Variants in PCDH15 observed in about 807,000 individuals in gnomAD.
PCDH15 encodes protocadherin-15.
Under a neutral mutation model 178.5 loss-of-function variants are expected in PCDH15, and 129 were observed. The observed-to-expected ratio is 0.72, with a 90% confidence interval of 0.63 to 0.84. The LOEUF (loss-of-function observed/expected upper bound fraction) is 0.84. PCDH15 is among the 40% of genes least tolerant of loss of function. PCDH15 has a pLI of 0.00. For missense variants in PCDH15, 2,230 were observed against 2,099.9 expected (o/e 1.06, Z -1.21); for synonymous variants, 800 against 732.0 (o/e 1.09, Z -1.50).
At chr10:55,230,695 GT>G (rs1841190450) in intron 1 of PCDH15, among the ~76,000 whole-genome samples, 2 of 152,040 alleles carry the variant, frequency 1.3e-5, no homozygotes, top group Non-Finnish European at 2.9e-5. Context: ...GTGATGTCAT[GT>G]TTTCAGCTAA....
chr10:55,357,240 G>A (rs541212764), intron 2 of PCDH15, among the ~76,000 whole-genome samples: 129 of 151,754 alleles, frequency 8.5e-4, no homozygotes, highest in African/African-American at 2.8e-3. Context: ...TCTTATCTAT[G>A]AAACATAAAT....
intron 2 of PCDH15, among the ~76,000 whole-genome samples, chr10:55,537,439 T>G (rs12779888): frequency 0.043 from 5,344 of 123,774 alleles, 262 homozygotes; most frequent in African/African-American, 0.12. Flanking sequence ...ATGTATGTAT[T>G]TATTTATTTA....
intron 3 of PCDH15, among the ~76,000 whole-genome samples, chr10:54,436,702 T>G (rs889984666): frequency 5.3e-5 from 8 of 152,170 alleles, no homozygotes; most frequent in Non-Finnish European, 1.0e-4. Flanking sequence ...AAGAGAAAGC[T>G]CATAATATTT....
At position 54,551,154 on chromosome 10, in the gene PCDH15, CAAAAAA is replaced by C. The variant is rs57337778; in HGVS notation, c.92-23283_92-23278del. Among the ~76,000 whole-genome samples, 172 of 52,416 alleles carry C rather than the reference CAAAAAA, an allele frequency of 3.3e-3. 1 individual carries two copies. Among genetic ancestry groups the C allele is most frequent in the African/African-American group, 8.7e-3 (113 of 12,942 alleles). 34.4% of individuals were successfully genotyped at this position (52,416 alleles called of 152,430 possible). A position where few individuals can be genotyped will look rare whatever the true frequency, so the allele number is the denominator to read the frequency against. On this transcript the variant is annotated intron_variant, in intron 2 of 37. Coordinates refer to ENST00000644397, the MANE Select transcript of PCDH15 (RefSeq NM_001384140.1). ...TGGGCTACAGGCTGAGACTCTGTCT[CAAAAAA>C]AAAAAAAAAAAAAAAAAATTAATAT...
At chr10:55,131,395 C>T (rs767488799) in intron 2 of PCDH15, among the ~76,000 whole-genome samples, 8 of 152,156 alleles carry the variant, frequency 5.3e-5, no homozygotes, top group Admixed American at 1.3e-4. Context: ...TCAGGGAGCT[C>T]CTTGGTCTGG....
At chr10:53,973,360 C>A (rs2089919667) in intron 21 of PCDH15, among the ~76,000 whole-genome samples, 1 of 151,708 alleles carries the variant, frequency 6.6e-6, no homozygotes, top group Non-Finnish European at 1.5e-5. Flanking sequence ...TTAATGGGTG[C>A]AGCACACCAA....
intron 2 of PCDH15, among the ~76,000 whole-genome samples, chr10:54,568,238 T>C (rs537490069): frequency 1.3e-5 from 2 of 152,108 alleles, no homozygotes; most frequent in East Asian, 3.9e-4. Flanking sequence ...TGGCTCATCT[T>C]CCAGATGCCT....
intron 18 of PCDH15, among the ~76,000 whole-genome samples, chr10:54,060,395 C>T (rs549828508): frequency 8.7e-4 from 132 of 152,128 alleles, no homozygotes; most frequent in African/African-American, 3.0e-3. Context: ...CAATTGTTTG[C>T]ATTTAGTTCA....
chr10:54,641,200 C>G (rs538631719), intron 2 of PCDH15: 1 of 160,300 alleles, frequency 6.2e-6, no homozygotes, highest in Non-Finnish European at 1.4e-5. Context: ...TAAAGCTTTT[C>G]TAAGAACATC....
intron 1 of PCDH15, among the ~76,000 whole-genome samples, chr10:54,685,237 T>G (rs143214108): frequency 9.2e-5 from 14 of 152,168 alleles, no homozygotes; most frequent in African/African-American, 2.2e-4. Flanking sequence ...GAATATCTCT[T>G]GAAGAACCTG....
intron 2 of PCDH15, among the ~76,000 whole-genome samples, chr10:55,568,400 C>T (rs1842344705): frequency 6.6e-6 from 1 of 151,748 alleles, no homozygotes; most frequent in Non-Finnish European, 1.5e-5. Flanking sequence ...TTGCCAGGTG[C>T]TAATGGAGGG....
chr10:54,910,167 C>A (rs1199311156), intron 2 of PCDH15, among the ~76,000 whole-genome samples: 2 of 152,138 alleles, frequency 1.3e-5, no homozygotes, highest in African/African-American at 4.8e-5. Flanking sequence ...GCTCCTGCTG[C>A]CATCACTGAC....
chr10:55,616,701 G>C (rs1454415123), intron 2 of PCDH15, among the ~76,000 whole-genome samples: 1 of 152,056 alleles, frequency 6.6e-6, no homozygotes, highest in African/African-American at 2.4e-5. Context: ...TGTGCACTGA[G>C]GTGACTTGAG....
At chr10:55,471,274 G>A (rs1376805621) in intron 2 of PCDH15, among the ~76,000 whole-genome samples, 3 of 152,078 alleles carry the variant, frequency 2.0e-5, no homozygotes, top group Admixed American at 1.3e-4. Flanking sequence ...TATAAAAGTT[G>A]TGCTCTTTTA....
intron 1 of PCDH15, among the ~76,000 whole-genome samples, chr10:55,239,224 C>T (rs1163489191): frequency 6.6e-6 from 1 of 152,068 alleles, no homozygotes; most frequent in African/African-American, 2.4e-5. Context: ...TAATCATATT[C>T]CAATATGTAT....
intron 3 of PCDH15, among the ~76,000 whole-genome samples, chr10:54,393,404 A>G (rs1255247691): frequency 1.3e-5 from 2 of 152,220 alleles, no homozygotes; most frequent in Non-Finnish European, 2.9e-5. Context: ...AGCACTTACC[A>G]TATCATTTGC....
intron 2 of PCDH15, among the ~76,000 whole-genome samples, chr10:55,004,669 A>G (rs1839880231): frequency 6.6e-6 from 1 of 152,130 alleles, no homozygotes; most frequent in African/African-American, 2.4e-5. Context: ...AATTTAGTTC[A>G]GTTGAAGAGA....
At chr10:54,583,507 T>C (rs1206922484) in intron 2 of PCDH15, among the ~76,000 whole-genome samples, 1 of 152,030 alleles carries the variant, frequency 6.6e-6, no homozygotes, top group East Asian at 1.9e-4. Flanking sequence ...GATATGCTAG[T>C]AAGGGATACC....
chr10:54,880,421 G>T (rs1286408713), intron 3 of PCDH15, among the ~76,000 whole-genome samples: 1 of 151,962 alleles, frequency 6.6e-6, no homozygotes, highest in Non-Finnish European at 1.5e-5. Context: ...AAATGTGCCT[G>T]CCAGAAAACT....
Sources: allele counts gnomAD v4.1 joint callset (sites outside exome capture counted in the v4.1 genomes callset), GRCh38; gene constraint gnomAD v4.1.1; transcripts MANE v1.5; gene names NCBI Gene and HGNC (gene_info 2026-07-23, HGNC 2026-07-21).